Variants in PAIP1 observed in about 807,000 individuals in gnomAD.
PAIP1 encodes poly(A) binding protein interacting protein 1.
Under a neutral mutation model 61.3 loss-of-function variants are expected in PAIP1, and 16 were observed. That is an observed-to-expected ratio of 0.26 (90% CI 0.18 to 0.40). The LOEUF is 0.40. Ranked by LOEUF, PAIP1 falls within the 10% of genes least tolerant of loss-of-function variation. The probability of loss-of-function intolerance (pLI) is 1.00; values close to 1 mark genes in which losing one functional copy is unlikely to be tolerated. For missense variants in PAIP1, 416 were observed against 600.9 expected (o/e 0.69, Z 3.22); for synonymous variants, 187 against 226.2 (o/e 0.83, Z 1.56).
At position 43,556,989 on chromosome 5, in the gene PAIP1, G is replaced by C. The variant is rs556969768; in HGVS notation, c.-143C>G. 4.7e-4 allele frequency: 575 copies of C among 1,230,624 alleles called. No individual in the cohort carries two copies. In the Middle Eastern group the frequency reaches 6.4e-3, roughly 14 times the overall value. 76.2% of individuals were successfully genotyped at this position (1,230,624 alleles called of 1,614,324 possible). A position where few individuals can be genotyped will look rare whatever the true frequency, so the allele number is the denominator to read the frequency against. The stretch of plus-strand genomic sequence containing the variant: ...GGAGGAGGGCGGCGGGCCCCGGCTC[G>C]GCTGCTCGGTGCTTCTGGCGGAGCG... On this transcript the variant is annotated 5_prime_UTR_variant, in exon 1 of 11. Transcript: ENST00000306846.
chr5:43,528,704 T>C (rs1338074751), intron 10 of PAIP1, among the ~76,000 whole-genome samples: 1 of 152,010 alleles, frequency 6.6e-6, no homozygotes, highest in Non-Finnish European at 1.5e-5. Flanking sequence ...ATAAAAGTGG[T>C]TCACTTTTTT....
intron 4 of PAIP1, 74 bp from the exon 5 acceptor site, chr5:43,539,109 C>CA: frequency 1.0e-6 from 1 of 981,768 alleles, no homozygotes; most frequent in Non-Finnish European, 1.6e-6. Flanking sequence ...AACCATTTGT[C>CA]AGTTTGGTTG....
intron 4 of PAIP1, among the ~76,000 whole-genome samples, chr5:43,541,500 A>G (rs777400575): frequency 2.0e-5 from 3 of 149,838 alleles, no homozygotes; most frequent in Admixed American, 6.7e-5. Context: ...ATTTCAGCAC[A>G]GAGAGTGAGA....
chr5:43,544,145 T>TA (rs1747535977), intron 3 of PAIP1, among the ~76,000 whole-genome samples: 4 of 99,418 alleles, frequency 4.0e-5, no homozygotes, highest in Admixed American at 1.1e-4. Flanking sequence ...CCCCATCTTT[T>TA]TAAAAAAAAA....
intron 10 of PAIP1, among the ~76,000 whole-genome samples, chr5:43,529,334 T>G (rs1289671133): frequency 1.3e-5 from 2 of 152,196 alleles, no homozygotes; most frequent in Non-Finnish European, 2.9e-5. Flanking sequence ...TCAGAACTAG[T>G]CTGTGAGTTA....
chr5:43,546,868 C>T (rs1012573486), intron 3 of PAIP1, among the ~76,000 whole-genome samples: 3 of 151,708 alleles, frequency 2.0e-5, no homozygotes, highest in Non-Finnish European at 2.9e-5. Context: ...CACGGTGGAA[C>T]CCTGTCTCTA....
At chr5:43,533,699 A>T (rs749217837) in intron 9 of PAIP1, 39 bp downstream of exon 9, 1 of 1,352,250 alleles carries the variant, frequency 7.4e-7, no homozygotes, top group Non-Finnish European at 1.1e-6. Flanking sequence ...CTACTTTACC[A>T]AACAACTGGG....
At chr5:43,544,724 GGTCA>G (rs1356226900) in intron 3 of PAIP1, among the ~76,000 whole-genome samples, 2 of 152,136 alleles carry the variant, frequency 1.3e-5, no homozygotes, top group East Asian at 1.9e-4. Flanking sequence ...TCATGTGACA[GGTCA>G]GTCAAAACAC....
intron 1 of PAIP1, chr5:43,556,244 T>C (rs1748064563): frequency 1.6e-6 from 2 of 1,286,386 alleles, no homozygotes; most frequent in South Asian, 2.8e-5. Flanking sequence ...TTCCTCTCTG[T>C]CGTTTTAAAG....
At chr5:43,545,514 C>CA (rs1747603472) in intron 3 of PAIP1, among the ~76,000 whole-genome samples, 1 of 152,210 alleles carries the variant, frequency 6.6e-6, no homozygotes, top group East Asian at 1.9e-4. Flanking sequence ...CTTTTAGCCT[C>CA]ATTCCATCCT....
chr5:43,528,463 G>A (rs1746794418), intron 10 of PAIP1, among the ~76,000 whole-genome samples: 1 of 151,962 alleles, frequency 6.6e-6, no homozygotes, highest in Admixed American at 6.6e-5. Flanking sequence ...AGCTCATTAG[G>A]GCAAGAGAAT....
chr5:43,549,513 T>G (rs777358305), intron 2 of PAIP1, among the ~76,000 whole-genome samples: 3 of 152,100 alleles, frequency 2.0e-5, no homozygotes, highest in Non-Finnish European at 2.9e-5. Flanking sequence ...TTTCTCTTGC[T>G]GCGGCCACGT....
chr5:43,556,514 G>T, intron 1 of PAIP1, 68 bp downstream of exon 1: 1 of 1,224,410 alleles, frequency 8.2e-7, no homozygotes. Flanking sequence ...GTCGGGCCTC[G>T]GCACGCGTGG....
chr5:43,551,536 T>A (rs988552850), intron 2 of PAIP1, among the ~76,000 whole-genome samples: 1 of 152,210 alleles, frequency 6.6e-6, no homozygotes, highest in Non-Finnish European at 1.5e-5. Context: ...GTTAACTACA[T>A]ACATGCGTGA....
rs1747434497 is a variant in PAIP1, at chr5:43,542,015, A to T, written c.734+989T>A. 3.3e-5 allele frequency among the ~76,000 whole-genome samples: 5 copies of T among 150,336 alleles called. No homozygotes were observed. The South Asian group carries it at 1.1e-3, about 32-fold the overall frequency. ...AACATGGTGAACCCCATCTCTACTA[A>T]AAATACAAAAATTAGCTGGGCATGG... On this transcript the variant is annotated intron_variant, in intron 4 of 10. Coordinates refer to ENST00000306846, the MANE Select transcript of PAIP1 (RefSeq NM_006451.5).
At position 43,555,887 on chromosome 5, in the gene PAIP1, A is replaced by C; in HGVS notation, c.378T>G (p.Ser126=). The C allele has an allele frequency of 6.2e-7, 1 of 1,613,894 alleles. No homozygotes were observed. The highest frequency in any genetic ancestry group is 8.5e-7 in the Non-Finnish European group (1 of 1,179,914). Residue 126 remains serine, a synonymous_variant, in exon 2 of 11, where the codon TCT becomes TCG. Transcript: ENST00000306846. ...PQVVVAPVLM[S]KLSVNAPEFY... is the part of the protein sequence containing the mutation. ...ATTCAGGGGCATTCACAGACAGCTT[A>C]GACATTAATACAGGAGCTACAACCA...
At position 43,556,694 on chromosome 5, in the gene PAIP1, CG is replaced by C; in HGVS notation, c.152del (p.Pro51ArgfsTer44). ...GCAGCGGCGGTGGCTGCAGGAAGCC[CG>C]GGGCTTTGGGTTGCGGCGGCTGGTG... is the stretch of plus-strand genomic sequence containing the variant. ...ARHQPPQPKA[P>X]GFLQPPPLRQ... On this transcript the variant is annotated frameshift_variant, in exon 1 of 11. Coordinates refer to ENST00000306846, the MANE Select transcript of PAIP1 (RefSeq NM_006451.5). LOFTEE classifies it high-confidence loss of function. 3 of 1,309,318 alleles carry C rather than the reference CG, an allele frequency of 2.3e-6. No individual in the cohort carries two copies. Among genetic ancestry groups the C allele is most frequent in the Admixed American group, 4.2e-5 (1 of 24,070 alleles). The allele number at this position is 1,309,318 out of a possible 1,614,324, so 81.1% of individuals were successfully genotyped here.
intron 5 of PAIP1, among the ~76,000 whole-genome samples, chr5:43,537,469 A>G (rs1703798852): frequency 6.6e-6 from 1 of 152,172 alleles, no homozygotes; most frequent in Non-Finnish European, 1.5e-5. Context: ...AATTAGACTG[A>G]AAAAGAACAT....
intron 9 of PAIP1, 39 bp downstream of exon 9, chr5:43,533,698 CA>C (rs1383179105): frequency 7.5e-7 from 1 of 1,338,168 alleles, no homozygotes; most frequent in Admixed American, 1.7e-5. Context: ...ACTACTTTAC[CA>C]AACAACTGGG....
Sources: allele counts gnomAD v4.1 joint callset (sites outside exome capture counted in the v4.1 genomes callset), GRCh38; gene constraint gnomAD v4.1.1; transcripts MANE v1.5; gene names NCBI Gene and HGNC (gene_info 2026-07-23, HGNC 2026-07-21).